DTX1: variants seen among roughly 807,000 people sequenced by gnomAD.
DTX1 encodes deltex E3 ubiquitin ligase 1.
DTX1 carries 26 observed loss-of-function variants against 57.8 expected under a neutral mutation model. The observed-to-expected ratio is 0.45, with a 90% CI of 0.33 to 0.62. The LOEUF (loss-of-function observed/expected upper bound fraction) is 0.62. Ranked by LOEUF, DTX1 falls within the 20% of genes least tolerant of loss-of-function variation. DTX1 has a pLI of 0.02. For missense variants in DTX1, 704 were observed against 895.3 expected, an observed-to-expected ratio of 0.79 and a Z score of 2.73; for synonymous variants, 398 against 394.1, an observed-to-expected ratio of 1.01 and a Z score of -0.12.
chr12:113,095,294 G>T, intron 8 of DTX1, 31 bp from the exon 9 acceptor site: 1 of 1,613,910 alleles, frequency 6.2e-7, no homozygotes, highest in Non-Finnish European at 8.5e-7. Flanking sequence ...CCTGTTCATG[G>T]TCTAAATCCC....
chr12:113,093,156 C>G lies in DTX1; in HGVS notation c.942-6C>G, dbSNP rs750556161. On this transcript the variant is annotated splice_polypyrimidine_tract_variant and splice_region_variant and intron_variant, in intron 3 of 9. Coordinates refer to ENST00000548759, the MANE Select transcript of DTX1 (RefSeq NM_004416.3). The surrounding 1 kb of genome is among the most constrained non-coding windows in gnomAD (Gnocchi z 4.2). ...CCAGCTGCGGCCTCTTCTCTTCTCC[C>G]CGCAGGGTCCCCGCACTCCCGGTGA... 2 of 1,591,874 alleles carry G rather than the reference C, an allele frequency of 1.3e-6. No individual in the cohort carries two copies. The highest frequency in any genetic ancestry group is 2.3e-5 in the South Asian group (2 of 87,412).
At chr12:113,068,905 T>C (rs1359384202) in intron 2 of DTX1, among the ~76,000 whole-genome samples, 1 of 152,234 alleles carries the variant, frequency 6.6e-6, no homozygotes, top group Non-Finnish European at 1.5e-5. Context: ...AGATTCAATC[T>C]TCACTTAGTA....
intron 2 of DTX1, among the ~76,000 whole-genome samples, chr12:113,061,104 T>A (rs1351845002): frequency 6.6e-6 from 1 of 152,218 alleles, no homozygotes; most frequent in East Asian, 1.9e-4. Flanking sequence ...ACCCCTTTTA[T>A]GGTTCAGCCT....
Position 113,093,813 on chromosome 12 carries a change from G to A in DTX1, c.1165+113G>A. ...TAGCATTTACTACCTCACCTCCATT[G>A]CCTGATCTCAGCTCCCCTTGCCCTG... On this transcript the variant is annotated intron_variant, in intron 5 of 9. Coordinates refer to ENST00000548759, the MANE Select transcript of DTX1 (RefSeq NM_004416.3). This position sits in a 1 kb window ranked among gnomAD's most constrained non-coding sequence, Gnocchi z 4.2. 1 of 1,496,774 alleles carries A rather than the reference G, an allele frequency of 6.7e-7. No homozygotes were observed. The allele number at this position is 1,496,774 out of a possible 1,614,324, so 92.7% of individuals were successfully genotyped here. A position where few individuals can be genotyped will look rare whatever the true frequency, so the allele number is the denominator to read the frequency against.
intron 2 of DTX1, among the ~76,000 whole-genome samples, chr12:113,074,711 A>G (rs1283698061): frequency 1.3e-5 from 2 of 152,186 alleles, no homozygotes; most frequent in African/African-American, 4.8e-5. Flanking sequence ...GTCTACTGCA[A>G]TGGTCCAGGC....
rs1456903023 is a variant in DTX1, at chr12:113,061,733, ACT to A, written c.259+3285_259+3286del. ...TCTTCTTTTTTTGAGACAGTGTCTCACTCTGTCTCCCAGGCTAGAGTACAGTG... is the reference window on the plus strand; with the variant it reads ...TCTTCTTTTTTTGAGACAGTGTCTCACTGTCTCCCAGGCTAGAGTACAGTG... On this transcript the variant is annotated intron_variant, in intron 2 of 9. Transcript: ENST00000548759. Among the ~76,000 whole-genome samples the A allele has an allele frequency of 1.5e-3, 227 of 151,788 alleles. 1 individual carries two copies. The highest frequency in any genetic ancestry group is 2.7e-3 in the Non-Finnish European group (182 of 67,938).
intron 3 of DTX1, among the ~76,000 whole-genome samples, chr12:113,090,398 C>T (rs1950237819): frequency 1.3e-5 from 2 of 152,186 alleles, no homozygotes; most frequent in Admixed American, 1.3e-4. Context: ...TGCCCCTCTT[C>T]CTGGGGCCCC....
intron 3 of DTX1, among the ~76,000 whole-genome samples, chr12:113,085,215 A>AT (rs1282754545): frequency 2.0e-5 from 3 of 152,016 alleles, no homozygotes; most frequent in African/African-American, 4.8e-5. Context: ...AACCCGGCTA[A>AT]TTTTTTATAT....
At chr12:113,070,677 C>T (rs977112718) in intron 2 of DTX1, among the ~76,000 whole-genome samples, 10 of 152,226 alleles carry the variant, frequency 6.6e-5, no homozygotes, top group East Asian at 1.9e-4. Flanking sequence ...AAACCTCACA[C>T]GGCTAAACAA....
Position 113,093,289 on chromosome 12 carries a change from C to G in DTX1, c.1003+66C>G. On this transcript the variant is annotated intron_variant, in intron 4 of 9. Coordinates refer to ENST00000548759, the MANE Select transcript of DTX1 (RefSeq NM_004416.3). The surrounding 1 kb of genome is among the most constrained non-coding windows in gnomAD (Gnocchi z 4.2). ...CTAGGAGGCAGCTCCGCCTGTCACC[C>G]GGTGACCCCGCCCCCGAGATGGGCT... 1.3e-6 allele frequency: 2 copies of G among 1,510,354 alleles called. No homozygotes were observed. The highest frequency in any genetic ancestry group is 2.4e-5 in the South Asian group (2 of 82,458). 93.6% of individuals were successfully genotyped at this position (1,510,354 alleles called of 1,614,324 possible). A position where few individuals can be genotyped will look rare whatever the true frequency, so the allele number is the denominator to read the frequency against.
At position 113,058,037 on chromosome 12, in the gene DTX1, A is replaced by G. The variant is rs2044640832; in HGVS notation, c.-156A>G. 8.2e-7 allele frequency: 1 copy of G among 1,223,874 alleles called. No homozygotes were observed. Among genetic ancestry groups the G allele is most frequent in the Non-Finnish European group, 1.1e-6 (1 of 908,370 alleles). 75.8% of individuals were successfully genotyped at this position (1,223,874 alleles called of 1,614,324 possible). On this transcript the variant is annotated 5_prime_UTR_variant, in exon 2 of 10. Coordinates refer to ENST00000548759, the MANE Select transcript of DTX1 (RefSeq NM_004416.3). The stretch of plus-strand genomic sequence containing the variant: ...TGGCCATCCCACATTCCTTTAACGG[A>G]GGTCTCTAGGCCTCAGAGAGAACCC...
intron 6 of DTX1, among the ~76,000 whole-genome samples, chr12:113,094,496 T>C (rs1437970733): frequency 1.3e-5 from 2 of 152,180 alleles, no homozygotes; most frequent in African/African-American, 4.8e-5. Context: ...GAGGATCTCT[T>C]GAGCCCAGGA....
At chr12:113,058,961 C>T (rs921376786) in intron 2 of DTX1, among the ~76,000 whole-genome samples, 17 of 152,096 alleles carry the variant, frequency 1.1e-4, no homozygotes, top group South Asian at 2.1e-4. Context: ...TAAACCCAGG[C>T]GGTTGAGTTC....
Position 113,093,444 on chromosome 12 carries a change from C to G in DTX1, c.1004-95C>G. 1.1e-6 allele frequency: 1 copy of G among 908,698 alleles called. No homozygotes were observed. The highest frequency in any genetic ancestry group is 1.6e-6 in the Non-Finnish European group (1 of 610,670). 56.3% of individuals were successfully genotyped at this position (908,698 alleles called of 1,614,324 possible). A position where few individuals can be genotyped will look rare whatever the true frequency, so the allele number is the denominator to read the frequency against. On this transcript the variant is annotated intron_variant, in intron 4 of 9. Transcript: ENST00000548759. This position sits in a 1 kb window ranked among gnomAD's most constrained non-coding sequence, Gnocchi z 4.2. ...GTGGGGCCCAAGAGCGCAACCCTCC[C>G]ACCCACCCGAGGGCCCCGGGATTCC...
rs151165215 is a variant in DTX1 at position 113,083,029 on chromosome 12, A to G, written c.941+4924A>G. ...GTCCGAGATCACGGTGTCACAGGGT[A>G]GTTTCCTTCTGAGGCCTCTCTCCTG... On this transcript the variant is annotated intron_variant, in intron 3 of 9. Transcript: ENST00000548759. 3.6e-4 allele frequency among the ~76,000 whole-genome samples: 55 copies of G among 152,290 alleles called. No homozygotes were observed. The East Asian group carries it at 9.6e-3, about 27-fold the overall frequency.
intron 2 of DTX1, among the ~76,000 whole-genome samples, chr12:113,062,729 C>T (rs955391940): frequency 3.3e-5 from 5 of 152,268 alleles, no homozygotes. Flanking sequence ...GTATGTGCCT[C>T]CCGTGCAGTG....
chr12:113,062,706 A>C (rs1028249901), intron 2 of DTX1, among the ~76,000 whole-genome samples: 1 of 152,196 alleles, frequency 6.6e-6, no homozygotes, highest in African/African-American at 2.4e-5. Context: ...ATGCCGACAC[A>C]CACATGCCCT....
rs1416401469 is a variant in DTX1 at position 113,093,246 on chromosome 12, A to G, written c.1003+23A>G. On this transcript the variant is annotated intron_variant, in intron 4 of 9. Transcript: ENST00000548759. The surrounding 1 kb of genome is among the most constrained non-coding windows in gnomAD (Gnocchi z 4.2). ...CAGGTGAGGTCTGGCCCAGGGCGGGAAAGAAGGGCGGGGCCCACTAGGAGG... is the reference window on the plus strand; with the variant it reads ...CAGGTGAGGTCTGGCCCAGGGCGGGGAAGAAGGGCGGGGCCCACTAGGAGG... 1.9e-6 allele frequency: 3 copies of G among 1,575,978 alleles called. No homozygotes were observed. Among genetic ancestry groups the G allele is most frequent in the African/African-American group, 2.7e-5 (2 of 73,942 alleles).
Position 113,077,464 on chromosome 12 carries a change from G to C in DTX1, c.300G>C (p.Ser100=), listed in dbSNP as rs769994337. ...TGCGGCGCAACTTCTACGACCCGTC[G>C]TCGGCGCCGGGCAAGGGCATCGTGT... The part of the protein sequence containing the change: ...RPVRRNFYDP[S]SAPGKGIVWE... Residue 100 remains serine, a synonymous_variant, in exon 3 of 10, where the codon TCG becomes TCC. Coordinates refer to ENST00000548759, the MANE Select transcript of DTX1 (RefSeq NM_004416.3). The surrounding 1 kb of genome is among the most constrained non-coding windows in gnomAD (Gnocchi z 7.8). 2.9e-5 allele frequency: 46 copies of C among 1,611,714 alleles called. 1 individual carries two copies. The highest frequency in any genetic ancestry group is 3.3e-5 in the Non-Finnish European group (39 of 1,179,814).
Sources: gnomAD v4.1 joint callset for allele counts (sites outside exome capture counted in the v4.1 genomes callset) on GRCh38, gnomAD v4.1.1 for gene constraint, Gnocchi (gnomAD v3.1) non-coding constraint, MANE v1.5 for transcripts, NCBI Gene and HGNC (gene_info 2026-07-23, HGNC 2026-07-21) for gene names.